GTF2B: variants seen among roughly 807,000 people sequenced by gnomAD.
GTF2B encodes the protein transcription initiation factor IIB.
A neutral mutation model predicts 34.6 loss-of-function variants in GTF2B; 20 were observed. The ratio of observed to expected loss-of-function variants is 0.58; its 90% CI spans 0.41 to 0.84. The LOEUF is 0.84. Among genes scored for constraint, GTF2B ranks in the 40% least tolerant of loss-of-function variants. The probability of loss-of-function intolerance (pLI) is 0.00; values close to 1 mark genes in which losing one functional copy is unlikely to be tolerated. For missense variants in GTF2B, 237 were observed against 393.3 expected (o/e 0.60, Z 3.36); for synonymous variants, 142 against 132.4 (o/e 1.07, Z -0.50).
chr1:88,876,549 G>C (rs1673821571), intron 2 of GTF2B, among the ~76,000 whole-genome samples: 1 of 152,048 alleles, frequency 6.6e-6, no homozygotes, highest in Non-Finnish European at 1.5e-5. Context: ...GAGGGTGGTG[G>C]TTTGAGCCCG....
At chr1:88,869,640 T>TC (rs1302835376) in intron 2 of GTF2B, among the ~76,000 whole-genome samples, 2 of 152,120 alleles carry the variant, frequency 1.3e-5, no homozygotes, top group East Asian at 3.9e-4. Context: ...TCTTTTTTTT[T>TC]CCCCCGAGAC....
intron 2 of GTF2B, among the ~76,000 whole-genome samples, chr1:88,867,743 A>G (rs1335839606): frequency 6.6e-6 from 1 of 152,172 alleles, no homozygotes; most frequent in Non-Finnish European, 1.5e-5. Flanking sequence ...CCTTACCATG[A>G]GATTCATTTG....
At chr1:88,887,121 G>A in intron 2 of GTF2B, 140 bp downstream of exon 2, 1 of 538,992 alleles carries the variant, frequency 1.9e-6, no homozygotes, top group Non-Finnish European at 3.4e-6. Flanking sequence ...GTTTCTTCAT[G>A]TTGGTCAGGC....
chr1:88,871,818 G>A (rs545761895), intron 2 of GTF2B, among the ~76,000 whole-genome samples: 11 of 152,164 alleles, frequency 7.2e-5, no homozygotes, highest in Admixed American at 2.6e-4. Flanking sequence ...GGCAACCTCC[G>A]CCTTGCAGGT....
chr1:88,864,281 A>C (rs1187099394), intron 2 of GTF2B, among the ~76,000 whole-genome samples, 167 bp from the exon 3 acceptor site: 1 of 152,224 alleles, frequency 6.6e-6, no homozygotes, highest in East Asian at 1.9e-4. Flanking sequence ...GCATTCCTTT[A>C]ACTATTGTGC....
intron 2 of GTF2B, among the ~76,000 whole-genome samples, chr1:88,877,643 C>T (rs1393744762): frequency 6.6e-6 from 1 of 152,164 alleles, no homozygotes; most frequent in Non-Finnish European, 1.5e-5. Flanking sequence ...TTAGAACAAA[C>T]AGTTTCGGCC....
intron 1 of GTF2B, 104 bp downstream of exon 1, chr1:88,891,379 T>C (rs1262205969): frequency 1.1e-5 from 9 of 797,592 alleles, no homozygotes; most frequent in Non-Finnish European, 1.8e-5. Context: ...TTCTCTCCCA[T>C]ACCCCTAGGC....
At chr1:88,884,583 C>T (rs1165665224) in intron 2 of GTF2B, among the ~76,000 whole-genome samples, 1 of 152,232 alleles carries the variant, frequency 6.6e-6, no homozygotes, top group East Asian at 1.9e-4. Context: ...AAATGGCTTT[C>T]CTTGCTTGGC....
At chr1:88,856,896 G>A (rs1190352391) in intron 6 of GTF2B, among the ~76,000 whole-genome samples, 1 of 150,370 alleles carries the variant, frequency 6.7e-6, no homozygotes, top group African/African-American at 2.4e-5. Flanking sequence ...CCACCTCCCA[G>A]GTTCAAGCAA....
At chr1:88,889,454 A>C (rs941188759) in intron 1 of GTF2B, among the ~76,000 whole-genome samples, 8 of 152,228 alleles carry the variant, frequency 5.3e-5, no homozygotes, top group Non-Finnish European at 1.0e-4. Context: ...CCCAAACCCC[A>C]TTTTATAGCT....
chr1:88,887,459 G>C, intron 1 of GTF2B, 92 bp from the exon 2 acceptor site: 1 of 793,654 alleles, frequency 1.3e-6, no homozygotes, highest in Non-Finnish European at 2.2e-6. Flanking sequence ...CAAAGATTGT[G>C]AACGTTTTTT....
Position 88,872,455 on chromosome 1 carries a change from TAA to T in GTF2B, c.125-8343_125-8342del, listed in dbSNP as rs34668666. ...CAACAAGAGTGAAACTCCATCTCAA[TAA>T]AAAAAAAAAAAAAAAAAAAAAAAAA... On this transcript the variant is annotated intron_variant, in intron 2 of 6. Transcript: ENST00000370500. 6.7e-3 allele frequency among the ~76,000 whole-genome samples: 499 copies of T among 74,830 alleles called. 3 individuals carry two copies. The highest frequency in any genetic ancestry group is 0.022 in the African/African-American group (468 of 21,738). 49.1% of individuals were successfully genotyped at this position (74,830 alleles called of 152,430 possible). A position where few individuals can be genotyped will look rare whatever the true frequency, so the allele number is the denominator to read the frequency against.
chr1:88,867,331 A>G (rs1301731409), intron 2 of GTF2B, among the ~76,000 whole-genome samples: 1 of 152,220 alleles, frequency 6.6e-6, no homozygotes, highest in Non-Finnish European at 1.5e-5. Flanking sequence ...AGCTCTTTTC[A>G]TTAAATTTAT....
At chr1:88,869,060 C>A (rs1176523208) in intron 2 of GTF2B, among the ~76,000 whole-genome samples, 1 of 152,072 alleles carries the variant, frequency 6.6e-6, no homozygotes, top group Non-Finnish European at 1.5e-5. Context: ...ATTCTGCATC[C>A]GCGGATTCAA....
intron 5 of GTF2B, among the ~76,000 whole-genome samples, chr1:88,857,994 C>T (rs935528460): frequency 6.6e-6 from 1 of 150,702 alleles, no homozygotes; most frequent in Non-Finnish European, 1.5e-5. Context: ...ATGTTCTTCA[C>T]TCTTTCAATT....
intron 6 of GTF2B, among the ~76,000 whole-genome samples, chr1:88,856,016 T>A (rs1167678883): frequency 6.6e-6 from 1 of 152,090 alleles, no homozygotes; most frequent in Non-Finnish European, 1.5e-5. Flanking sequence ...GTGCCTATAA[T>A]CCCAGCACAC....
At chr1:88,854,560 T>TG (rs1188302401) in intron 6 of GTF2B, among the ~76,000 whole-genome samples, 1 of 152,238 alleles carries the variant, frequency 6.6e-6, no homozygotes, top group Non-Finnish European at 1.5e-5. Flanking sequence ...TGGAGTGCAA[T>TG]GGCAAGATCT....
At position 88,864,123 on chromosome 1, in the gene GTF2B, AT is replaced by A; in HGVS notation, c.125-10del. ...ATCAATAACCCGGTCACCTAAGAATATAAGCACATATCTGAATCATTTTGTC... is the reference window on the plus strand; with the variant it reads ...ATCAATAACCCGGTCACCTAAGAATAAAGCACATATCTGAATCATTTTGTC... On this transcript the variant is annotated splice_polypyrimidine_tract_variant and intron_variant, in intron 2 of 6. Coordinates refer to ENST00000370500, the MANE Select transcript of GTF2B (RefSeq NM_001514.6). 6.2e-7 allele frequency: 1 copy of A among 1,613,552 alleles called. No individual in the cohort carries two copies. The highest frequency in any genetic ancestry group is 1.3e-5 in the African/African-American group (1 of 75,048).
chr1:88,872,455 TAAAAAAA>T (rs34668666), intron 2 of GTF2B, among the ~76,000 whole-genome samples: 1 of 74,862 alleles, frequency 1.3e-5, no homozygotes, highest in Admixed American at 2.1e-4. Context: ...TCCATCTCAA[TAAAAAAA>T]AAAAAAAAAA....
Sources: gnomAD v4.1 joint callset for allele counts (sites outside exome capture counted in the v4.1 genomes callset) on GRCh38, gnomAD v4.1.1 for gene constraint, MANE v1.5 for transcripts, NCBI Gene and HGNC (gene_info 2026-07-23, HGNC 2026-07-21) for gene names.